The following DHRS4 variants were observed in gnomAD, a reference collection of about 807,000 sequenced individuals.
DHRS4 encodes the protein dehydrogenase/reductase SDR family member 4.
DHRS4 carries 20 observed loss-of-function variants against 28.4 expected under a neutral mutation model. The ratio of observed to expected loss-of-function variants is 0.71; its 90% CI spans 0.50 to 1.02. DHRS4 has a LOEUF of 1.02. Among genes scored for constraint, DHRS4 ranks in the 50% least tolerant of loss-of-function variants. The pLI, the probability that DHRS4 is intolerant of heterozygous loss-of-function variation, is 0.00. For synonymous variants in DHRS4, 144 were observed against 146.4 expected, an observed-to-expected ratio of 0.98 and a Z score of 0.12; for missense variants, 378 against 367.2, an observed-to-expected ratio of 1.03 and a Z score of -0.24.
intron 1 of DHRS4, among the ~76,000 whole-genome samples, chr14:23,954,599 C>T (rs954604239): frequency 6.6e-6 from 1 of 152,222 alleles, no homozygotes; most frequent in African/African-American, 2.4e-5. Flanking sequence ...CGGAGACCAT[C>T]TTTTCACATG....
chr14:23,953,950 G>C, intron 1 of DHRS4, 34 bp downstream of exon 1: 1 of 1,556,826 alleles, frequency 6.4e-7, no homozygotes, highest in Non-Finnish European at 8.7e-7. Flanking sequence ...TGAGGCCCTG[G>C]CTGCCTGGAA....
intron 3 of DHRS4, among the ~76,000 whole-genome samples, chr14:23,962,727 G>A (rs967597789): frequency 6.6e-6 from 1 of 151,136 alleles, no homozygotes; most frequent in Non-Finnish European, 1.5e-5. Flanking sequence ...CTCCTCCCAT[G>A]AATCACAAAT....
chr14:23,953,985 G>A, intron 1 of DHRS4, 69 bp downstream of exon 1: 1 of 1,538,356 alleles, frequency 6.5e-7, no homozygotes. Flanking sequence ...CTCATCCTCG[G>A]CCTCCGGTGC....
intron 2 of DHRS4, among the ~76,000 whole-genome samples, chr14:23,957,627 G>T (rs984308790): frequency 2.7e-5 from 4 of 149,648 alleles, no homozygotes; most frequent in African/African-American, 9.9e-5. Context: ...CATGATCATA[G>T]CTCACTGTAA....
intron 2 of DHRS4, among the ~76,000 whole-genome samples, chr14:23,956,599 CTTT>C (rs1229716867): frequency 1.7e-5 from 2 of 116,976 alleles, no homozygotes; most frequent in Middle Eastern, 3.9e-3. Context: ...CCTCCATATC[CTTT>C]TTTTTTTTTT....
At chr14:23,968,665 CT>C in intron 7 of DHRS4, 91 bp from the exon 8 acceptor site, 1 of 1,552,616 alleles carries the variant, frequency 6.4e-7, no homozygotes, top group Non-Finnish European at 8.7e-7. Context: ...TCTGATAATT[CT>C]TGATTAAGCA....
intron 3 of DHRS4, among the ~76,000 whole-genome samples, chr14:23,963,556 C>G (rs879265219): frequency 6.7e-6 from 1 of 148,976 alleles, no homozygotes; most frequent in Non-Finnish European, 1.5e-5. Flanking sequence ...AAAATTAGGG[C>G]CTTTTACTGA....
rs540511503 is a variant in DHRS4, at chr14:23,958,130, G to C, written c.307-1772G>C. On this transcript the variant is annotated intron_variant, in intron 2 of 7. Coordinates refer to ENST00000313250, the MANE Select transcript of DHRS4 (RefSeq NM_021004.4). ...GGCAGGTGACTTGGCTTTGTGCCAGGATACCAAAATTTAAAGGGTGCAAGA... is the reference window on the plus strand; with the variant it reads ...GGCAGGTGACTTGGCTTTGTGCCAGCATACCAAAATTTAAAGGGTGCAAGA... Among the ~76,000 whole-genome samples the C allele has an allele frequency of 2.0e-5, 3 of 152,042 alleles. 1 individual carries two copies. In the East Asian group the frequency reaches 5.9e-4, roughly 30 times the overall value.
At chr14:23,954,656 G>T (rs934317724) in intron 1 of DHRS4, among the ~76,000 whole-genome samples, 2 of 152,202 alleles carry the variant, frequency 1.3e-5, no homozygotes, top group African/African-American at 2.4e-5. Context: ...TGATGTAGAC[G>T]AGTAAGAAAG....
rs1432113030 is a variant in DHRS4, at chr14:23,967,224, A to G, written c.680A>G (p.Lys227Arg). The G allele has an allele frequency of 6.8e-6, 11 of 1,612,936 alleles. No homozygotes were observed. Among genetic ancestry groups the G allele is most frequent in the African/African-American group, 1.3e-5 (1 of 74,696 alleles). The change falls in exon 7 of 8, where the codon AAG (lysine) becomes AGG (arginine). Residue 227 changes from lysine to arginine, a missense_variant. Transcript: ENST00000313250. ...TSFSRMLWMD[K>R]EKEESMKETL... ...TTCTTCCTGCAGCTCTGGATGGACA[A>G]GGAAAAAGAGGAAAGCATGAAAGAA... is the stretch of plus-strand genomic sequence containing the variant.
chr14:23,958,340 C>T (rs2033259023), intron 2 of DHRS4, among the ~76,000 whole-genome samples: 1 of 152,136 alleles, frequency 6.6e-6, no homozygotes, highest in African/African-American at 2.4e-5. Context: ...CTCTGTGTGC[C>T]AAATCCGGAG....
chr14:23,966,082 A>G, intron 5 of DHRS4, 99 bp downstream of exon 5: 2 of 1,604,752 alleles, frequency 1.2e-6, no homozygotes, highest in South Asian at 2.2e-5. Context: ...TTGTAGAATC[A>G]CACCACCAAG....
At chr14:23,967,302 T>C (rs200393732) in intron 7 of DHRS4, 36 bp downstream of exon 7, 103,112 of 1,600,410 alleles carry the variant, frequency 0.064, 2,423 homozygotes, top group East Asian at 0.12. Flanking sequence ...CTAAGAGACA[T>C]GAAGATGGGA....
chr14:23,953,964 G>C (rs1489071686), intron 1 of DHRS4, 48 bp downstream of exon 1: 3 of 1,551,260 alleles, frequency 1.9e-6, no homozygotes, highest in African/African-American at 1.4e-5. Context: ...CCTGGAAACA[G>C]GCACTGGCCT....
intron 2 of DHRS4, among the ~76,000 whole-genome samples, chr14:23,957,749 G>A (rs2033235018): frequency 6.8e-6 from 1 of 148,092 alleles, no homozygotes; most frequent in Admixed American, 6.8e-5. Context: ...TAGAGTTGGG[G>A]CTGTATTTCC....
At chr14:23,954,927 A>T (rs1461526187) in intron 1 of DHRS4, 108 bp from the exon 2 acceptor site, 93 of 1,549,592 alleles carry the variant, frequency 6.0e-5, no homozygotes, top group Non-Finnish European at 7.6e-5. Flanking sequence ...GGGGTTATAT[A>T]GAGAAAGAGC....
chr14:23,956,128 G>C (rs937155612), intron 2 of DHRS4, among the ~76,000 whole-genome samples: 10 of 152,220 alleles, frequency 6.6e-5, no homozygotes, highest in African/African-American at 2.4e-4. Context: ...TCTGGCAAAT[G>C]CTCAAATGTG....
chr14:23,968,108 CTTT>C (rs2033698243), intron 7 of DHRS4: 1 of 112,062 alleles, frequency 8.9e-6, no homozygotes, highest in African/African-American at 3.9e-5. Flanking sequence ...CTTTTCTTTT[CTTT>C]TCTTTTTTGG....
intron 3 of DHRS4, among the ~76,000 whole-genome samples, chr14:23,964,837 G>A (rs61999770): frequency 1.7e-4 from 26 of 149,386 alleles, no homozygotes; most frequent in East Asian, 1.4e-3. Flanking sequence ...TTGGCCTCCC[G>A]AAGTGCAGGG....
Sources: gnomAD v4.1 joint callset for allele counts (sites outside exome capture counted in the v4.1 genomes callset) on GRCh38, gnomAD v4.1.1 for gene constraint, MANE v1.5 for transcripts, NCBI Gene and HGNC (gene_info 2026-07-23, HGNC 2026-07-21) for gene names.